The following PTPN4 variants were observed in gnomAD, a reference collection of about 807,000 sequenced individuals.
The protein encoded by PTPN4 is protein tyrosine phosphatase non-receptor type 4, also known as tyrosine-protein phosphatase non-receptor type 4.
A neutral mutation model predicts 135.5 loss-of-function variants in PTPN4; 49 were observed. The observed-to-expected ratio is 0.36, with a 90% CI of 0.29 to 0.46. The LOEUF is 0.46. PTPN4 is among the 20% of genes least tolerant of loss of function. The pLI, the probability that PTPN4 is intolerant of heterozygous loss-of-function variation, is 1.00. For missense variants in PTPN4, 860 were observed against 1,101.0 expected, an observed-to-expected ratio of 0.78 and a Z score of 3.10; for synonymous variants, 333 against 369.9, an observed-to-expected ratio of 0.90 and a Z score of 1.14.
In PTPN4 at chr2:119,984,774, T is replaced by TA. The variant is rs1210423006; in HGVS notation, c.*7705dup. Among the ~76,000 whole-genome samples, 1 of 152,268 alleles carries TA rather than the reference T, an allele frequency of 6.6e-6. No individual in the cohort carries two copies. The highest frequency in any genetic ancestry group is 1.9e-4 in the East Asian group (1 of 5,208). ...CAATTTATATTATGTGAAATGCTGT[T>TA]ACACATATTTTGTTGGCCATATTTC... On this transcript the variant is annotated 3_prime_UTR_variant, in exon 27 of 27. Transcript: ENST00000263708.
chr2:119,947,094 C>T (rs924957502), intron 18 of PTPN4, among the ~76,000 whole-genome samples: 4 of 152,152 alleles, frequency 2.6e-5, no homozygotes, highest in African/African-American at 9.7e-5. Context: ...CAATCATGAA[C>T]TTTCTGTTCA....
intron 20 of PTPN4, among the ~76,000 whole-genome samples, chr2:119,956,508 A>C (rs1183135272): frequency 6.6e-6 from 1 of 152,220 alleles, no homozygotes; most frequent in African/African-American, 2.4e-5. Context: ...AAAAGTTCTT[A>C]GTTCATAGAC....
intron 9 of PTPN4, among the ~76,000 whole-genome samples, chr2:119,888,815 C>G (rs1678197011): frequency 6.6e-6 from 1 of 151,968 alleles, no homozygotes; most frequent in Non-Finnish European, 1.5e-5. Context: ...GCATCTTTGT[C>G]TGGTTTTGGT....
Position 119,774,291 on chromosome 2 carries a change from T to C in PTPN4, c.-18+13907T>C, listed in dbSNP as rs181423291. Among the ~76,000 whole-genome samples, 41 of 152,344 alleles carry C rather than the reference T, an allele frequency of 2.7e-4. No individual in the cohort carries two copies. The East Asian group carries it at 7.5e-3, about 28-fold the overall frequency. ...CAAGAAAAAGTTGAATGGCTTGATA[T>C]GTACCATAGATTGAGGTCTGCAGCT... is the stretch of plus-strand genomic sequence containing the variant. On this transcript the variant is annotated intron_variant, in intron 1 of 26. Transcript: ENST00000263708.
chr2:119,961,184 T>G lies in PTPN4; in HGVS notation c.2280+231T>G, dbSNP rs529169105. Among the ~76,000 whole-genome samples the G allele has an allele frequency of 2.0e-5, 3 of 151,172 alleles. No individual in the cohort carries two copies. In the East Asian group the frequency reaches 5.8e-4, roughly 29 times the overall value. ...TCATTGTTATTTAAAGGGATTAATA[T>G]ACATTTGTTAAGGGTCTTGTGTCTA... On this transcript the variant is annotated intron_variant, in intron 23 of 26. Coordinates refer to ENST00000263708, the MANE Select transcript of PTPN4 (RefSeq NM_002830.4).
At chr2:119,872,003 G>A (rs1677917034) in intron 3 of PTPN4, among the ~76,000 whole-genome samples, 1 of 152,180 alleles carries the variant, frequency 6.6e-6, no homozygotes. Context: ...TGAAAGACTT[G>A]AGAGGTGAAA....
intron 2 of PTPN4, among the ~76,000 whole-genome samples, chr2:119,860,563 A>T (rs540961755): frequency 2.0e-5 from 3 of 152,244 alleles, no homozygotes; most frequent in Admixed American, 2.0e-4. Flanking sequence ...ACTTTCCATT[A>T]TATGAAAAAA....
At chr2:119,883,958 G>A in intron 8 of PTPN4, among the ~76,000 whole-genome samples, 1 of 152,242 alleles carries the variant, frequency 6.6e-6, no homozygotes, top group East Asian at 1.9e-4. Context: ...GGAGTGCAGT[G>A]GCGCGATCTC....
intron 1 of PTPN4, among the ~76,000 whole-genome samples, chr2:119,766,787 T>C (rs1236708091): frequency 6.6e-6 from 1 of 152,032 alleles, no homozygotes; most frequent in Non-Finnish European, 1.5e-5. Flanking sequence ...TAGGGCAATA[T>C]AGATATGAGA....
intron 13 of PTPN4, among the ~76,000 whole-genome samples, chr2:119,930,037 T>A (rs966914446): frequency 6.6e-6 from 1 of 152,170 alleles, no homozygotes; most frequent in African/African-American, 2.4e-5. Context: ...ATCAAAGTTT[T>A]ATGCATGAGG....
intron 2 of PTPN4, among the ~76,000 whole-genome samples, chr2:119,836,335 C>T (rs1647788498): frequency 6.6e-6 from 1 of 152,338 alleles, no homozygotes; most frequent in South Asian, 2.1e-4. Flanking sequence ...CACAGTAGAA[C>T]TCTGGAACTG....
intron 10 of PTPN4, among the ~76,000 whole-genome samples, chr2:119,903,750 C>T (rs1258478866): frequency 6.6e-6 from 1 of 152,148 alleles, no homozygotes; most frequent in Non-Finnish European, 1.5e-5. Flanking sequence ...TGACACCATG[C>T]ATACCACCTG....
At chr2:119,791,241 T>G (rs1421713846) in intron 1 of PTPN4, 1 of 151,870 alleles carries the variant, frequency 6.6e-6, no homozygotes, top group Non-Finnish European at 1.5e-5. Flanking sequence ...GCGATTCTCC[T>G]GCCTCAGCCT....
At position 119,981,697 on chromosome 2, in the gene PTPN4, A is replaced by G. The variant is rs2105072574; in HGVS notation, c.*4627A>G. ...AACTTACCGTGTCTGCAACCATTATATAGACTTCATTGATACTCAGCAATT... is the reference window on the plus strand; with the variant it reads ...AACTTACCGTGTCTGCAACCATTATGTAGACTTCATTGATACTCAGCAATT... On this transcript the variant is annotated 3_prime_UTR_variant, in exon 27 of 27. Transcript: ENST00000263708. The G allele has an allele frequency of 6.6e-6, 1 of 152,226 alleles. No individual in the cohort carries two copies. The highest frequency in any genetic ancestry group is 2.1e-4 in the South Asian group (1 of 4,826). The allele number at this position is 152,226 out of a possible 1,614,324, so 9.4% of individuals were successfully genotyped here. A position where few individuals can be genotyped will look rare whatever the true frequency, so the allele number is the denominator to read the frequency against.
chr2:119,876,933 G>A (rs1360970782), intron 3 of PTPN4, among the ~76,000 whole-genome samples: 2 of 151,168 alleles, frequency 1.3e-5, no homozygotes, highest in Non-Finnish European at 2.9e-5. Context: ...GTGTGTGTGT[G>A]TGTGTGTGCG....
intron 23 of PTPN4, 138 bp downstream of exon 23, chr2:119,961,091 T>A: frequency 9.3e-7 from 1 of 1,074,912 alleles, no homozygotes; most frequent in Non-Finnish European, 1.3e-6. Context: ...TTTTAAATCA[T>A]CATGTTTAAG....
chr2:119,967,716 A>G (rs1679465984), intron 25 of PTPN4, 121 bp from the exon 26 acceptor site: 2 of 832,770 alleles, frequency 2.4e-6, no homozygotes, highest in African/African-American at 3.5e-5. Context: ...TACTACTTTT[A>G]TAATTAAAAT....
intron 9 of PTPN4, among the ~76,000 whole-genome samples, chr2:119,892,547 A>G (rs1678255628): frequency 6.6e-6 from 1 of 152,194 alleles, no homozygotes; most frequent in South Asian, 2.1e-4. Context: ...AGCCATGCAA[A>G]CATCTGGGAG....
intron 2 of PTPN4, among the ~76,000 whole-genome samples, chr2:119,824,403 A>C (rs192548958): frequency 5.5e-4 from 83 of 152,196 alleles, no homozygotes; most frequent in Admixed American, 3.6e-3. Context: ...TTGGTCTCCA[A>C]CTCCTGGGCT....
Sources: allele counts gnomAD v4.1 joint callset (sites outside exome capture counted in the v4.1 genomes callset), GRCh38; gene constraint gnomAD v4.1.1; transcripts MANE v1.5; gene names NCBI Gene and HGNC (gene_info 2026-07-23, HGNC 2026-07-21).